TMEM232: variants seen among roughly 807,000 people sequenced by gnomAD.
The protein encoded by TMEM232 is transmembrane protein 232.
In TMEM232, 80 loss-of-function variants were observed where a neutral mutation model predicts 78.8. The ratio of observed to expected loss-of-function variants is 1.01; its 90% confidence interval spans 0.85 to 1.22. The LOEUF is 1.22. Ranked by LOEUF, TMEM232 falls within the 50% of genes most tolerant of loss-of-function variation. The pLI is 0.00. For synonymous variants in TMEM232, 297 were observed against 254.3 expected, an observed-to-expected ratio of 1.17 and a Z score of -1.60; for missense variants, 881 against 742.2, an observed-to-expected ratio of 1.19 and a Z score of -2.17.
At chr5:110,618,408 G>T (rs1350479743) in intron 8 of TMEM232, 21 bp downstream of exon 8, 1 of 1,547,668 alleles carries the variant, frequency 6.5e-7, no homozygotes, top group South Asian at 1.2e-5. Context: ...AGTTACTTTG[G>T]ATTTATAGGA....
intron 1 of TMEM232, 97 bp from the exon 2 acceptor site, chr5:110,667,461 G>T: frequency 1.1e-6 from 1 of 933,102 alleles, no homozygotes; most frequent in Non-Finnish European, 1.5e-6. Flanking sequence ...AGAATAGCAA[G>T]AACTAAAGTT....
At position 110,625,347 on chromosome 5, in the gene TMEM232, C is replaced by T. The variant is rs985161339; in HGVS notation, c.688G>A (p.Gly230Ser). The T allele has an allele frequency of 3.2e-6, 5 of 1,547,274 alleles. No homozygotes were observed. The South Asian group carries it at 4.8e-5, about 15-fold the overall frequency. Reference protein sequence around the residue: ...QFILKASEIIGKRELRSESIF... With the variant: ...QFILKASEIISKRELRSESIF... Reference sequence around the variant, plus strand: ...GATTCAGAACGGAGTTCTCTTTTACCTATAATTTCCGAGGCTTTCAGGATG... The same window carrying T: ...GATTCAGAACGGAGTTCTCTTTTACTTATAATTTCCGAGGCTTTCAGGATG... Residue 230 changes from glycine to serine, a missense_variant, in exon 7 of 14, where the codon GGT becomes AGT. Gly to Ser is a moderately conservative substitution (Grantham distance 56, BLOSUM62 0). Transcript: ENST00000455884.
At position 110,642,615 on chromosome 5, in the gene TMEM232, G is replaced by T. The variant is rs553481379; in HGVS notation, c.126-244C>A. Among the ~76,000 whole-genome samples, 48 of 152,184 alleles carry T rather than the reference G, an allele frequency of 3.2e-4. 1 individual carries two copies. In the East Asian group the frequency reaches 8.5e-3, roughly 27 times the overall value. Reference sequence around the variant, plus strand: ...AGACCTTTGCGGCCCCTGAGAAAAAGTTTCTGAGATGACTGCTAGAAGTCT... The same window carrying T: ...AGACCTTTGCGGCCCCTGAGAAAAATTTTCTGAGATGACTGCTAGAAGTCT... On this transcript the variant is annotated intron_variant, in intron 2 of 13. Coordinates refer to ENST00000455884, the MANE Select transcript of TMEM232 (RefSeq NM_001039763.4).
At chr5:110,554,274 T>C (rs941826188) in intron 11 of TMEM232, among the ~76,000 whole-genome samples, 3 of 152,070 alleles carry the variant, frequency 2.0e-5, no homozygotes, top group Non-Finnish European at 4.4e-5. Flanking sequence ...AAAGAGAGAC[T>C]GACCTAGCCT....
At chr5:110,694,777 T>A (rs1188059577) in intron 1 of TMEM232, among the ~76,000 whole-genome samples, 2 of 152,072 alleles carry the variant, frequency 1.3e-5, no homozygotes, top group African/African-American at 4.8e-5. Flanking sequence ...ATGCACCCAA[T>A]ACAGGAGCAC....
chr5:110,525,321 A>G (rs1303522247), intron 12 of TMEM232, among the ~76,000 whole-genome samples: 1 of 152,008 alleles, frequency 6.6e-6, no homozygotes, highest in Non-Finnish European at 1.5e-5. Flanking sequence ...AATCTAGAAA[A>G]CTTAAATTCA....
At chr5:110,628,770 T>A (rs1784749517) in intron 5 of TMEM232, 1 of 150,256 alleles carries the variant, frequency 6.7e-6, no homozygotes, top group South Asian at 2.1e-4. Flanking sequence ...AAAATAAAAT[T>A]AAAAAGATAA....
At chr5:110,607,239 T>C (rs953857804) in intron 8 of TMEM232, among the ~76,000 whole-genome samples, 3 of 151,984 alleles carry the variant, frequency 2.0e-5, no homozygotes. Flanking sequence ...TTCAAGACCT[T>C]TTTTCATACT....
intron 4 of TMEM232, among the ~76,000 whole-genome samples, chr5:110,639,191 G>GTGTAATCATGA: frequency 6.6e-6 from 1 of 152,286 alleles, no homozygotes; most frequent in Admixed American, 6.5e-5. Context: ...ATGATATGGA[G>GTGTAATCATGA]TTACACTCAT....
chr5:110,539,352 T>C (rs942882993), intron 11 of TMEM232, among the ~76,000 whole-genome samples: 4 of 152,158 alleles, frequency 2.6e-5, no homozygotes, highest in African/African-American at 4.8e-5. Flanking sequence ...TCTAAAGCCT[T>C]TGGAAGAATA....
intron 11 of TMEM232, among the ~76,000 whole-genome samples, chr5:110,540,990 G>C (rs1444172422): frequency 6.6e-6 from 1 of 152,144 alleles, no homozygotes; most frequent in Non-Finnish European, 1.5e-5. Context: ...AAGTCTGACA[G>C]AGAAGCCAAA....
chr5:110,606,020 G>A, intron 9 of TMEM232, 144 bp downstream of exon 9: 1 of 695,070 alleles, frequency 1.4e-6, no homozygotes, highest in Non-Finnish European at 2.0e-6. Context: ...TGGTAACTGT[G>A]AATTTGCTTT....
Position 110,575,012 on chromosome 5 carries a change from T to C in TMEM232, c.1277-6387A>G, listed in dbSNP as rs552243271. Among the ~76,000 whole-genome samples, 4 of 152,010 alleles carry C rather than the reference T, an allele frequency of 2.6e-5. No homozygotes were observed. The South Asian group carries it at 8.3e-4, about 32-fold the overall frequency. On this transcript the variant is annotated intron_variant, in intron 10 of 13. Transcript: ENST00000455884. Reference sequence around the variant, plus strand: ...TTGCAGCTGGTGTCAAAAGAGAGGGTAGTCATGAGGACTCTTGAACTTCAG... The same window carrying C: ...TTGCAGCTGGTGTCAAAAGAGAGGGCAGTCATGAGGACTCTTGAACTTCAG...
chr5:110,707,832 T>C (rs975995344), intron 1 of TMEM232, among the ~76,000 whole-genome samples: 1 of 152,104 alleles, frequency 6.6e-6, no homozygotes. Context: ...TCAGCCACAA[T>C]AGGTTAGGCA....
intron 12 of TMEM232, among the ~76,000 whole-genome samples, chr5:110,509,586 T>A (rs1385163892): frequency 1.3e-5 from 2 of 152,218 alleles, no homozygotes; most frequent in African/African-American, 4.8e-5. Context: ...TTAGAGAATA[T>A]AAATTCATTT....
At chr5:110,581,245 T>A (rs1396880481) in intron 10 of TMEM232, among the ~76,000 whole-genome samples, 1 of 151,652 alleles carries the variant, frequency 6.6e-6, no homozygotes, top group Non-Finnish European at 1.5e-5. Context: ...CCAGAGGCAT[T>A]ACATTAACCA....
intron 1 of TMEM232, among the ~76,000 whole-genome samples, chr5:110,696,184 G>C (rs1405230439): frequency 2.6e-5 from 4 of 152,142 alleles, no homozygotes; most frequent in South Asian, 2.1e-4. Context: ...AGCATATAAA[G>C]AGAACCAAAG....
chr5:110,475,735 T>C (rs1763179750), intron 12 of TMEM232, among the ~76,000 whole-genome samples: 1 of 151,756 alleles, frequency 6.6e-6, no homozygotes, highest in Non-Finnish European at 1.5e-5. Context: ...ACTCTGCAGA[T>C]ATCCAGAGTT....
chr5:110,568,354 T>G, intron 11 of TMEM232, 93 bp downstream of exon 11: 2 of 1,160,680 alleles, frequency 1.7e-6, no homozygotes, highest in Non-Finnish European at 2.4e-6. Context: ...TAATACTCAC[T>G]GAATGTAGAC....
Sources: gnomAD v4.1 joint callset for allele counts (sites outside exome capture counted in the v4.1 genomes callset) on GRCh38, gnomAD v4.1.1 for gene constraint, MANE v1.5 for transcripts, NCBI Gene and HGNC (gene_info 2026-07-23, HGNC 2026-07-21) for gene names.